ZNF232: variants seen among roughly 807,000 people sequenced by gnomAD.
ZNF232 encodes zinc finger and SCAN domain-containing protein 11.
A neutral mutation model predicts 25.2 loss-of-function variants in ZNF232; 25 were observed. The ratio of observed to expected loss-of-function variants is 0.99; its 90% confidence interval spans 0.72 to 1.39. The LOEUF is 1.39. Among genes scored for constraint, ZNF232 ranks in the 40% most tolerant of loss-of-function variants. The pLI, the probability that ZNF232 is intolerant of heterozygous loss-of-function variation, is 0.00. For synonymous variants in ZNF232, 193 were observed against 182.9 expected (o/e 1.06, Z -0.45); for missense variants, 519 against 520.9 (o/e 1.00, Z 0.04).
At chr17:5,110,441 T>C (rs773054364) in intron 1 of ZNF232, among the ~76,000 whole-genome samples, 2 of 152,072 alleles carry the variant, frequency 1.3e-5, no homozygotes, top group African/African-American at 4.8e-5. Context: ...TGGGGGCCTA[T>C]GGGAAGAAAT....
chr17:5,114,089 CAA>C (rs2143648902), upstream of ZNF232: 1 of 152,204 alleles, frequency 6.6e-6, no homozygotes, highest in Admixed American at 6.5e-5. Flanking sequence ...ATAGTTAGGA[CAA>C]AAACAAACTC....
upstream of ZNF232, chr17:5,113,765 CT>C (rs2072469666): frequency 6.6e-6 from 1 of 152,110 alleles, no homozygotes; most frequent in Non-Finnish European, 1.5e-5. Flanking sequence ...TACTGTTCCC[CT>C]GGCACAATTC....
At chr17:5,111,959 G>T, upstream of ZNF232, 1 of 1,302,864 alleles carries the variant, frequency 7.7e-7, no homozygotes, top group Non-Finnish European at 1.0e-6. Flanking sequence ...TTTGGCCCAG[G>T]CGCGTGGGCG....
At chr17:5,116,283 G>A (rs1272644277), upstream of ZNF232, among the ~76,000 whole-genome samples, 1 of 151,968 alleles carries the variant, frequency 6.6e-6, no homozygotes, top group East Asian at 1.9e-4. Context: ...CGCTCCGGGC[G>A]GCCCCCCTCA....
At chr17:5,116,230 A>G (rs1242970603), upstream of ZNF232, among the ~76,000 whole-genome samples, 4 of 138,238 alleles carry the variant, frequency 2.9e-5, no homozygotes, top group East Asian at 7.8e-4. Flanking sequence ...CATTGAGAGG[A>G]CTTCCCGCCT....
chr17:5,116,039 T>C (rs919747617), upstream of ZNF232, among the ~76,000 whole-genome samples: 15 of 152,198 alleles, frequency 9.9e-5, no homozygotes, highest in African/African-American at 3.6e-4. Context: ...AGGGGACAGC[T>C]AGCGGCGCGG....
At chr17:5,111,882 T>A, upstream of ZNF232, 1 of 1,606,150 alleles carries the variant, frequency 6.2e-7, no homozygotes, top group Middle Eastern at 1.7e-4. Context: ...GGTTTGCGCC[T>A]GCGCAGGTCG....
chr17:5,106,037 A>G, exon 4 of ZNF232: 1 of 1,614,100 alleles, frequency 6.2e-7, no homozygotes. Flanking sequence ...GATGCTGAAC[A>G]AGATGAGCAC....
chr17:5,112,066 C>T, upstream of ZNF232: 2 of 579,262 alleles, frequency 3.5e-6, no homozygotes, highest in Non-Finnish European at 3.0e-6. Flanking sequence ...CGGCCGGGTG[C>T]CCTGGAGGCC....
At chr17:5,108,668 T>C in intron 3 of ZNF232, 1 of 383,780 alleles carries the variant, frequency 2.6e-6, no homozygotes, top group Non-Finnish European at 4.8e-6. Context: ...TAAGAGATGC[T>C]GGCCAGGCTT....
chr17:5,118,491 G>C (rs1265245719), intron 1 of ZNF232, among the ~76,000 whole-genome samples: 1 of 152,256 alleles, frequency 6.6e-6, no homozygotes. Flanking sequence ...AATCCCCAGA[G>C]GGAGTGTTAC....
chr17:5,108,842 T>G, intron 3 of ZNF232, 84 bp downstream of exon 3: 11 of 1,594,428 alleles, frequency 6.9e-6, no homozygotes, highest in Non-Finnish European at 9.4e-6. Context: ...CACCTACTAC[T>G]ATTTACCCTT....
At chr17:5,115,482 C>T (rs2072509508), upstream of ZNF232, among the ~76,000 whole-genome samples, 1 of 151,560 alleles carries the variant, frequency 6.6e-6, no homozygotes, top group Non-Finnish European at 1.5e-5. Flanking sequence ...ACCCGGGAGG[C>T]GGAGGTTACA....
chr17:5,121,044 A>T (rs553069145), intron 1 of ZNF232, among the ~76,000 whole-genome samples: 2 of 152,316 alleles, frequency 1.3e-5, no homozygotes, highest in Middle Eastern at 6.8e-3. Context: ...ACAGCTGTTT[A>T]CAGGATGTGT....
chr17:5,108,182 T>A (rs1477959264), intron 3 of ZNF232, among the ~76,000 whole-genome samples: 1 of 152,192 alleles, frequency 6.6e-6, no homozygotes, highest in African/African-American at 2.4e-5. Flanking sequence ...GGGGCAGTTA[T>A]GGTGTAAAAG....
chr17:5,119,915 C>T (rs1394152347), intron 1 of ZNF232, among the ~76,000 whole-genome samples: 1 of 152,092 alleles, frequency 6.6e-6, no homozygotes, highest in African/African-American at 2.4e-5. Context: ...TCAGGTCTGT[C>T]GGACTTGTAT....
chr17:5,119,516 G>C (rs2072604871), intron 1 of ZNF232, among the ~76,000 whole-genome samples: 1 of 152,174 alleles, frequency 6.6e-6, no homozygotes, highest in Admixed American at 6.5e-5. Flanking sequence ...CTGGGGCCCA[G>C]AAACCCCCTG....
upstream of ZNF232, chr17:5,114,829 A>C (rs192819335): frequency 0.014 from 2,151 of 152,088 alleles, 23 homozygotes; most frequent in Middle Eastern, 0.027. Context: ...ACTCCGTCCC[A>C]AAAAATAACA....
At chr17:5,121,355 T>G (rs965666282) in intron 1 of ZNF232, 50 of 342,638 alleles carry the variant, frequency 1.5e-4, no homozygotes, top group Non-Finnish European at 2.3e-5. Flanking sequence ...GAAACCCCTG[T>G]GGCCCACTCT....
Sources: allele counts gnomAD v4.1 joint callset (sites outside exome capture counted in the v4.1 genomes callset), GRCh38; gene constraint gnomAD v4.1.1; transcripts MANE v1.5; gene names NCBI Gene and HGNC (gene_info 2026-07-23, HGNC 2026-07-21).